Variants in FAM193A observed in about 807,000 individuals in gnomAD.
The protein encoded by FAM193A is protein FAM193A.
FAM193A carries 22 observed loss-of-function variants against 126.5 expected under a neutral mutation model. The ratio of observed to expected loss-of-function variants is 0.17; its 90% CI spans 0.12 to 0.25. The LOEUF (loss-of-function observed/expected upper bound fraction) is 0.25. Ranked by LOEUF, FAM193A falls within the 10% of genes least tolerant of loss-of-function variation. The probability of loss-of-function intolerance (pLI) is 1.00; values close to 1 mark genes in which losing one functional copy is unlikely to be tolerated. For synonymous variants in FAM193A, 761 were observed against 646.8 expected, an observed-to-expected ratio of 1.18 and a Z score of -2.68; for missense variants, 1,675 against 1,672.8, an observed-to-expected ratio of 1.00 and a Z score of -0.02.
At chr4:2,612,663 A>G (rs1198446910) in intron 2 of FAM193A, among the ~76,000 whole-genome samples, 1 of 152,124 alleles carries the variant, frequency 6.6e-6, no homozygotes, top group East Asian at 1.9e-4. Context: ...AGTTGTTCAG[A>G]ACTATTTATT....
chr4:2,710,790 C>T (rs1577252740), intron 19 of FAM193A, among the ~76,000 whole-genome samples: 1 of 151,918 alleles, frequency 6.6e-6, no homozygotes. Flanking sequence ...CAGGCATGAA[C>T]CACCGTGCCC....
At chr4:2,691,775 A>T (rs1179354793) in intron 15 of FAM193A, among the ~76,000 whole-genome samples, 1 of 28,790 alleles carries the variant, frequency 3.5e-5, no homozygotes, top group Non-Finnish European at 1.7e-4. Context: ...CCCCGTCTCT[A>T]AAAAAAAAAA....
intron 13 of FAM193A, among the ~76,000 whole-genome samples, chr4:2,673,156 GTTTTC>G (rs1714013734): frequency 6.6e-6 from 1 of 151,402 alleles, no homozygotes. Context: ...AATTCTGATT[GTTTTC>G]TTTTTTTTCT....
chr4:2,570,543 C>T (rs960837872), intron 1 of FAM193A, among the ~76,000 whole-genome samples: 1 of 152,132 alleles, frequency 6.6e-6, no homozygotes, highest in Admixed American at 6.5e-5. Context: ...GAGGTCATGC[C>T]ACATCTTTCG....
chr4:2,710,889 TC>T (rs1410078662), intron 19 of FAM193A, among the ~76,000 whole-genome samples: 1 of 149,970 alleles, frequency 6.7e-6, no homozygotes, highest in African/African-American at 2.5e-5. Context: ...TCTCGCTCTT[TC>T]GCCCAGGCTG....
intron 1 of FAM193A, among the ~76,000 whole-genome samples, chr4:2,580,927 A>T (rs1320151182): frequency 6.6e-6 from 1 of 152,206 alleles, no homozygotes; most frequent in Non-Finnish European, 1.5e-5. Flanking sequence ...CAGGAGATCT[A>T]GACCATCCTG....
chr4:2,572,893 G>A (rs991519990), intron 1 of FAM193A, among the ~76,000 whole-genome samples: 9 of 144,652 alleles, frequency 6.2e-5, no homozygotes, highest in Admixed American at 6.7e-5. Flanking sequence ...CGACAGTGGC[G>A]ATGGGGGTGA....
intron 1 of FAM193A, among the ~76,000 whole-genome samples, chr4:2,567,407 A>T (rs1739034341): frequency 6.6e-6 from 1 of 152,230 alleles, no homozygotes. Flanking sequence ...TTCAGCAAAG[A>T]CTGCCAGTAA....
rs367808080 is a variant in FAM193A, at chr4:2,635,365, C to T, written c.1038+4196C>T. Among the ~76,000 whole-genome samples the T allele has an allele frequency of 3.3e-5, 5 of 152,244 alleles. No individual in the cohort carries two copies. The East Asian group carries it at 5.8e-4, about 18-fold the overall frequency. Reference sequence around the variant, plus strand: ...AAGTGTGCTTTTTTATGCAGACTTACATCAGTACTTGCTGTATTGAAATTC... The same window carrying T: ...AAGTGTGCTTTTTTATGCAGACTTATATCAGTACTTGCTGTATTGAAATTC... On this transcript the variant is annotated intron_variant, in intron 5 of 20. Coordinates refer to ENST00000637812, the MANE Select transcript of FAM193A (RefSeq NM_001366318.2).
In FAM193A at chr4:2,703,827, C is replaced by T. The variant is rs564277157; in HGVS notation, c.4372+3283C>T. ...AAAAAAAAAAAAAAAAGCCACTTAT[C>T]TGGGCATGGTGGTGCACGCCTGTAG... On this transcript the variant is annotated intron_variant, in intron 19 of 20. Coordinates refer to ENST00000637812, the MANE Select transcript of FAM193A (RefSeq NM_001366318.2). 1.8e-4 allele frequency among the ~76,000 whole-genome samples: 26 copies of T among 147,104 alleles called. No homozygotes were observed. The East Asian group carries it at 5.3e-3, about 30-fold the overall frequency.
At chr4:2,623,436 C>T (rs1055941362) in intron 2 of FAM193A, among the ~76,000 whole-genome samples, 1 of 152,192 alleles carries the variant, frequency 6.6e-6, no homozygotes, top group African/African-American at 2.4e-5. Context: ...TCCCAAAGTG[C>T]TGGGATTACA....
At chr4:2,630,884 G>A (rs1743496049) in intron 4 of FAM193A, 51 bp from the exon 5 acceptor site, 2 of 1,033,766 alleles carry the variant, frequency 1.9e-6, no homozygotes, top group Non-Finnish European at 2.9e-6. Context: ...TGACATCAGA[G>A]CACCCATGGG....
intron 1 of FAM193A, among the ~76,000 whole-genome samples, chr4:2,538,181 C>T (rs1051074498): frequency 6.6e-6 from 1 of 151,560 alleles, no homozygotes; most frequent in Non-Finnish European, 1.5e-5. Context: ...TGTGCTAAAT[C>T]ATGACACAAA....
chr4:2,722,995 CG>C, intron 20 of FAM193A, among the ~76,000 whole-genome samples: 1 of 152,274 alleles, frequency 6.6e-6, no homozygotes, highest in African/African-American at 2.4e-5. Context: ...TACTTTAGGC[CG>C]GGCGCAGTGG....
rs61731404 is a variant in FAM193A, at chr4:2,659,974, G to A, written c.1665G>A (p.Ser555=). 27 of 1,614,018 alleles carry A rather than the reference G, an allele frequency of 1.7e-5. No homozygotes were observed. Among genetic ancestry groups the A allele is most frequent in the African/African-American group, 5.3e-5 (4 of 74,902 alleles). Residue 555 remains serine (S), a synonymous_variant, in exon 10 of 21, where the codon TCG becomes TCA. Transcript: ENST00000637812. ...CGCCCAGTGTGTCATCTGCAAGCTCGGGGTCCGGCTCCAGCTCTCCCATCA... is the reference window on the plus strand; with the variant it reads ...CGCCCAGTGTGTCATCTGCAAGCTCAGGGTCCGGCTCCAGCTCTCCCATCA... ...RSPPSVSSAS[S]GSGSSSPITI...
At chr4:2,582,543 G>T (rs981488896) in intron 1 of FAM193A, among the ~76,000 whole-genome samples, 1 of 152,090 alleles carries the variant, frequency 6.6e-6, no homozygotes, top group Middle Eastern at 3.4e-3. Context: ...TGTGTATCCA[G>T]TTGTCTTTTG....
In FAM193A at chr4:2,700,507, TAAG is replaced by T. The variant is rs767413328; in HGVS notation, c.4344_4346del (p.Lys1449del). 91 of 1,612,236 alleles carry T rather than the reference TAAG, an allele frequency of 5.6e-5. No individual in the cohort carries two copies. The highest frequency in any genetic ancestry group is 1.2e-4 in the Admixed American group (7 of 59,542). ...AGCCAAAGGGCAAGAACAAGAAAAA[TAAG>T]AAGAAGAAAGGAGACAGAGTCAACA... On this transcript the variant is annotated inframe_deletion, in exon 19 of 21. Coordinates refer to ENST00000637812, the MANE Select transcript of FAM193A (RefSeq NM_001366318.2).
At chr4:2,691,510 C>G (rs60004707) in intron 15 of FAM193A, among the ~76,000 whole-genome samples, 3,892 of 152,258 alleles carry the variant, frequency 0.026, 66 homozygotes, top group Middle Eastern at 0.051. Context: ...TGTGAGCTGA[C>G]AGGGCTGCCT....
Position 2,639,801 on chromosome 4 carries a change from C to G in FAM193A, c.1105C>G (p.Leu369Val), listed in dbSNP as rs1194751573. 1 of 1,614,046 alleles carries G rather than the reference C, an allele frequency of 6.2e-7. No individual in the cohort carries two copies. ...ELHNKHLFEN[L>V]VFSEPLLQSN... Reference sequence around the variant, plus strand: ...GCATAATAAACACCTGTTTGAAAATCTGGTCTTTTCGGAGCCACTTCTTCA... The same window carrying G: ...GCATAATAAACACCTGTTTGAAAATGTGGTCTTTTCGGAGCCACTTCTTCA... The change falls in exon 6 of 21, where the codon CTG becomes GTG. Residue 369 changes from leucine to valine, a missense_variant. Around this residue, in one of 4 missense-constraint regions of FAM193A, gnomAD observed 1,186 missense variants for 1,109.2 expected, o/e 1.07. Coordinates refer to ENST00000637812, the MANE Select transcript of FAM193A (RefSeq NM_001366318.2).
Sources: gnomAD v4.1 joint callset for allele counts (sites outside exome capture counted in the v4.1 genomes callset) on GRCh38, gnomAD v4.1.1 for gene constraint, gnomAD v4.1.1 regional missense constraint, MANE v1.5 for transcripts, NCBI Gene and HGNC (gene_info 2026-07-23, HGNC 2026-07-21) for gene names.